The following DEK variants were observed in gnomAD, a reference collection of about 807,000 sequenced individuals.
DEK encodes the protein DEK proto-oncogene.
DEK carries 28 observed loss-of-function variants against 46.8 expected under a neutral mutation model. The observed-to-expected ratio is 0.60, with a 90% CI of 0.44 to 0.82. The LOEUF is 0.82. DEK is among the 40% of genes least tolerant of loss of function. The pLI is 0.00. For synonymous variants in DEK, 160 were observed against 144.5 expected, an observed-to-expected ratio of 1.11 and a Z score of -0.77; for missense variants, 416 against 430.6, an observed-to-expected ratio of 0.97 and a Z score of 0.30.
intron 6 of DEK, among the ~76,000 whole-genome samples, chr6:18,252,182 A>G (rs929249846): frequency 6.6e-6 from 1 of 152,216 alleles, no homozygotes; most frequent in Non-Finnish European, 1.5e-5. Context: ...AGAAATTGTT[A>G]AAGAGGAGAA....
intron 6 of DEK, among the ~76,000 whole-genome samples, chr6:18,253,554 A>G (rs1459293717): frequency 1.3e-5 from 2 of 152,216 alleles, no homozygotes; most frequent in South Asian, 2.1e-4. Context: ...TACAAGACCC[A>G]AGTTAATTAA....
intron 9 of DEK, among the ~76,000 whole-genome samples, chr6:18,234,346 TAAAAAA>T (rs757093972): frequency 4.0e-5 from 6 of 151,370 alleles, no homozygotes; most frequent in Non-Finnish European, 8.8e-5. Context: ...TTAAAAGTAT[TAAAAAA>T]AAGAAAAAAA....
At chr6:18,260,761 G>A (rs1791820952) in intron 2 of DEK, among the ~76,000 whole-genome samples, 1 of 152,124 alleles carries the variant, frequency 6.6e-6, no homozygotes, top group Non-Finnish European at 1.5e-5. Context: ...GGCCCTTTGG[G>A]AGGCAGAGAC....
intron 8 of DEK, 172 bp downstream of exon 8, chr6:18,237,209 G>T: frequency 1.5e-6 from 1 of 687,498 alleles, no homozygotes; most frequent in Non-Finnish European, 2.2e-6. Flanking sequence ...TGCAAAATCT[G>T]AATCACTTCC....
At chr6:18,256,564 G>C (rs1053784206) in intron 4 of DEK, 109 bp from the exon 5 acceptor site, 4 of 816,430 alleles carry the variant, frequency 4.9e-6, no homozygotes, top group South Asian at 3.9e-5. Flanking sequence ...CTGTCTGTAA[G>C]TTACAATACT....
In DEK at chr6:18,249,829, T is replaced by C. The variant is rs763553643; in HGVS notation, c.584A>G (p.Lys195Arg). The C allele has an allele frequency of 5.6e-6, 9 of 1,594,552 alleles. No homozygotes were observed. In the South Asian group the frequency reaches 1.0e-4, roughly 18 times the overall value. ...GCCTTTGCTACAAGTTTTTTTAGAT[T>C]TCGGCAATGGCTGCATAAAAATTTA... ...HPKPSGKPLP[K>R]SKKTCSKGSK... The change falls in exon 7 of 11, where the codon AAA becomes AGA. Residue 195 changes from lysine to arginine, a missense_variant. Physicochemically the swap from Lys to Arg is conservative, Grantham distance 26. Coordinates refer to ENST00000652689, the MANE Select transcript of DEK (RefSeq NM_003472.4).
At chr6:18,256,501 T>C in intron 4 of DEK, 46 bp from the exon 5 acceptor site, 28 of 1,472,878 alleles carry the variant, frequency 1.9e-5, no homozygotes, top group Non-Finnish European at 2.4e-5. Context: ...CCCAGTAATG[T>C]ACACAAGAAT....
intron 7 of DEK, among the ~76,000 whole-genome samples, chr6:18,242,406 T>C (rs1358840148): frequency 2.0e-5 from 3 of 152,202 alleles, no homozygotes; most frequent in Non-Finnish European, 4.4e-5. Context: ...TTATCTATGG[T>C]TTCTCTTTCT....
intron 7 of DEK, chr6:18,244,699 T>C (rs1582275198): frequency 4.2e-6 from 2 of 481,194 alleles, no homozygotes; most frequent in African/African-American, 4.1e-5. Context: ...GAGGAAAGAA[T>C]GTGCAAGTCT....
Position 18,225,843 on chromosome 6 carries a change from T to C in DEK, c.1117-113A>G, listed in dbSNP as rs1325926843. On this transcript the variant is annotated intron_variant, in intron 10 of 10. Transcript: ENST00000652689. ...AAAATCAGTTGAGATCAATACAGAA[T>C]TACAGCTACCTGCTGATCTTCCCCT... 2.4e-6 allele frequency: 3 copies of C among 1,264,030 alleles called. No homozygotes were observed. In the African/African-American group the frequency reaches 4.5e-5, roughly 19 times the overall value. 78.3% of individuals were successfully genotyped at this position (1,264,030 alleles called of 1,614,324 possible).
chr6:18,255,228 G>A (rs757277036), intron 6 of DEK, among the ~76,000 whole-genome samples: 3 of 152,186 alleles, frequency 2.0e-5, no homozygotes, highest in Non-Finnish European at 4.4e-5. Context: ...TTCCCTGTCT[G>A]GCTCCTGGGC....
At chr6:18,262,187 A>C (rs1791905035) in intron 2 of DEK, among the ~76,000 whole-genome samples, 1 of 152,068 alleles carries the variant, frequency 6.6e-6, no homozygotes, top group Non-Finnish European at 1.5e-5. Flanking sequence ...CTTTCACCAG[A>C]AGCAAATACT....
chr6:18,257,353 C>T (rs549318808), intron 4 of DEK, among the ~76,000 whole-genome samples: 1 of 152,136 alleles, frequency 6.6e-6, no homozygotes, highest in African/African-American at 2.4e-5. Flanking sequence ...GTCACTAAAA[C>T]CTTTCATCAC....
intron 6 of DEK, among the ~76,000 whole-genome samples, chr6:18,250,464 G>A (rs916597635): frequency 6.6e-5 from 10 of 150,420 alleles, no homozygotes; most frequent in South Asian, 2.1e-4. Flanking sequence ...GTGAGACTCC[G>A]TCTCAAAAAA....
Position 18,264,087 on chromosome 6 carries a change from G to A in DEK, c.-9-91C>T, listed in dbSNP as rs1297457593. On this transcript the variant is annotated intron_variant, in intron 1 of 10. Transcript: ENST00000652689. ...CCCTGAATGATGCTACCCTTCCCGCGGGACACCTGCCCTGAAAGTTGCCTC... is the reference window on the plus strand; with the variant it reads ...CCCTGAATGATGCTACCCTTCCCGCAGGACACCTGCCCTGAAAGTTGCCTC... 8 of 1,209,818 alleles carry A rather than the reference G, an allele frequency of 6.6e-6. No individual in the cohort carries two copies. The South Asian group carries it at 1.2e-4, about 18-fold the overall frequency. 74.9% of individuals were successfully genotyped at this position (1,209,818 alleles called of 1,614,324 possible). A position where few individuals can be genotyped will look rare whatever the true frequency, so the allele number is the denominator to read the frequency against.
intron 6 of DEK, among the ~76,000 whole-genome samples, chr6:18,251,407 A>G (rs1342138820): frequency 6.6e-6 from 1 of 152,176 alleles, no homozygotes; most frequent in Non-Finnish European, 1.5e-5. Flanking sequence ...AAAATTAAGA[A>G]AAAGTGGCTG....
At chr6:18,230,163 C>G (rs1790345681) in intron 9 of DEK, among the ~76,000 whole-genome samples, 1 of 152,154 alleles carries the variant, frequency 6.6e-6, no homozygotes, top group African/African-American at 2.4e-5. Context: ...AAATCCTTTA[C>G]AGACAAGCAA....
chr6:18,259,409 A>T (rs1430464086), intron 2 of DEK, among the ~76,000 whole-genome samples: 2 of 110,538 alleles, frequency 1.8e-5, no homozygotes, highest in Non-Finnish European at 3.5e-5. Context: ...AAAAAAAAAA[A>T]AAAAAAAAAA....
chr6:18,232,475 A>G (rs1241685013), intron 9 of DEK, among the ~76,000 whole-genome samples: 1 of 152,220 alleles, frequency 6.6e-6, no homozygotes, highest in African/African-American at 2.4e-5. Context: ...CCATCGTCTC[A>G]GCCCAAAATC....
Sources: allele counts gnomAD v4.1 joint callset (sites outside exome capture counted in the v4.1 genomes callset), GRCh38; gene constraint gnomAD v4.1.1; transcripts MANE v1.5; gene names NCBI Gene and HGNC (gene_info 2026-07-23, HGNC 2026-07-21).